The following LOXL2 variants were observed in gnomAD, a reference collection of about 807,000 sequenced individuals.
LOXL2 encodes lysyl oxidase like 2, also known as lysyl oxidase homolog 2.
In LOXL2, 70 loss-of-function variants were observed where a neutral mutation model predicts 93.0. The ratio of observed to expected loss-of-function variants is 0.75; its 90% CI spans 0.62 to 0.92. LOXL2 has a LOEUF of 0.92. Among genes scored for constraint, LOXL2 ranks in the 40% least tolerant of loss-of-function variants. LOXL2 has a pLI of 0.00. For synonymous variants in LOXL2, 438 were observed against 413.2 expected (o/e 1.06, Z -0.73); for missense variants, 973 against 1,054.9 (o/e 0.92, Z 1.08).
At chr8:23,381,808 G>A (rs1351945730) in intron 1 of LOXL2, among the ~76,000 whole-genome samples, 2 of 152,228 alleles carry the variant, frequency 1.3e-5, no homozygotes, top group South Asian at 2.1e-4. Context: ...AGGCTCCATG[G>A]GCACCAATGT....
intron 1 of LOXL2, among the ~76,000 whole-genome samples, chr8:23,386,327 A>G (rs1360643809): frequency 6.6e-6 from 1 of 152,230 alleles, no homozygotes; most frequent in Non-Finnish European, 1.5e-5. Flanking sequence ...CTGAATGTGG[A>G]GGTTGCAGTG....
Position 23,341,103 on chromosome 8 carries a change from C to A in LOXL2, c.632G>T (p.Gly211Val). The A allele has an allele frequency of 6.2e-7, 1 of 1,614,020 alleles. No individual in the cohort carries two copies. The highest frequency in any genetic ancestry group is 1.1e-5 in the South Asian group (1 of 91,082). The change falls in exon 4 of 14, where the codon GGC becomes GTC. Residue 211 changes from glycine to valine, a missense_variant. Gly to Val is a moderately radical substitution (Grantham distance 109). Transcript: ENST00000389131. Reference sequence around the variant, plus strand: ...GTCACAGATCTGCTTCCAGGTCTTGCCCTCCTTCACCTCCACGTAGCCCTC... The same window carrying A: ...GTCACAGATCTGCTTCCAGGTCTTGACCTCCTTCACCTCCACGTAGCCCTC... ...VMEGYVEVKEGKTWKQICDKH... is the reference protein window; with the variant it reads ...VMEGYVEVKEVKTWKQICDKH...
At chr8:23,339,117 C>A (rs776878225) in intron 4 of LOXL2, among the ~76,000 whole-genome samples, 1 of 152,196 alleles carries the variant, frequency 6.6e-6, no homozygotes, top group Non-Finnish European at 1.5e-5. Flanking sequence ...GCCTTCCCAG[C>A]ACCTTTCTCT....
In LOXL2 at chr8:23,391,174, T is replaced by C. The variant is rs181972976; in HGVS notation, c.-84+12780A>G. Reference sequence around the variant, plus strand: ...GCTACAATTTAAGATAAGATTTGGGTGCGGATACAGCCAAATCATATCAAT... The same window carrying C: ...GCTACAATTTAAGATAAGATTTGGGCGCGGATACAGCCAAATCATATCAAT... On this transcript the variant is annotated intron_variant, in intron 1 of 13. Coordinates refer to ENST00000389131, the MANE Select transcript of LOXL2 (RefSeq NM_002318.3). Among the ~76,000 whole-genome samples the C allele has an allele frequency of 9.2e-5, 14 of 152,220 alleles. No individual in the cohort carries two copies. In the East Asian group the frequency reaches 2.5e-3, roughly 27 times the overall value.
chr8:23,368,325 G>A lies in LOXL2; in HGVS notation c.27C>T (p.Leu9=). 6.2e-7 allele frequency: 1 copy of A among 1,612,672 alleles called. No individual in the cohort carries two copies. The highest frequency in any genetic ancestry group is 1.1e-5 in the South Asian group (1 of 91,082). The part of the protein sequence containing the change: MERPLCSH[L]CSCLAMLALL... Reference sequence around the variant, plus strand: ...GGGCCAGCATAGCCAGGCAGCTGCAGAGGTGGGAGCACAGAGGCCTCTCCA... The same window carrying A: ...GGGCCAGCATAGCCAGGCAGCTGCAAAGGTGGGAGCACAGAGGCCTCTCCA... Residue 9 remains leucine, a synonymous_variant, in exon 2 of 14, where the codon CTC becomes CTT. Coordinates refer to ENST00000389131, the MANE Select transcript of LOXL2 (RefSeq NM_002318.3).
rs1554474455 is a variant in LOXL2, at chr8:23,297,247, C to T, written c.*796G>A. On this transcript the variant is annotated 3_prime_UTR_variant, in exon 14 of 14. Transcript: ENST00000389131. ...AGTGTCTGTGATGACACATGGTGCT[C>T]AGTGAGCGCCCTGTCACCCAGGACC... 6.6e-6 allele frequency: 1 copy of T among 152,180 alleles called. No individual in the cohort carries two copies. The highest frequency in any genetic ancestry group is 1.5e-5 in the Non-Finnish European group (1 of 68,040). 9.4% of individuals were successfully genotyped at this position (152,180 alleles called of 1,614,324 possible).
intron 1 of LOXL2, among the ~76,000 whole-genome samples, chr8:23,385,174 A>G (rs1804740413): frequency 6.6e-6 from 1 of 151,766 alleles, no homozygotes; most frequent in South Asian, 2.1e-4. Flanking sequence ...ACTTTTATAC[A>G]GCAACCTGGA....
intron 1 of LOXL2, among the ~76,000 whole-genome samples, chr8:23,398,110 A>G (rs1800116871): frequency 6.6e-6 from 1 of 152,176 alleles, no homozygotes; most frequent in Non-Finnish European, 1.5e-5. Flanking sequence ...TTACCTTGGT[A>G]CCCCAGTGGT....
Position 23,333,476 on chromosome 8 carries a change from G to A in LOXL2, c.891C>T (p.Ala297=), listed in dbSNP as rs774183850. The A allele has an allele frequency of 2.5e-5, 40 of 1,613,854 alleles. No homozygotes were observed. The highest frequency in any genetic ancestry group is 3.3e-4 in the Middle Eastern group (2 of 6,084). ...KNVTCENGLP[A]VVSCVPGQVF... Reference sequence around the variant, plus strand: ...CCTGCCCAGGCACACAACTCACCACGGCCGGTAGCCCATTCTCGCAGGTGA... The same window carrying A: ...CCTGCCCAGGCACACAACTCACCACAGCCGGTAGCCCATTCTCGCAGGTGA... The change falls in exon 5 of 14, where the codon GCC becomes GCT. Residue 297 remains alanine, a synonymous_variant. Transcript: ENST00000389131.
chr8:23,332,438 C>T (rs1026217909), intron 5 of LOXL2, among the ~76,000 whole-genome samples: 1 of 139,108 alleles, frequency 7.2e-6, no homozygotes, highest in African/African-American at 2.7e-5. Context: ...ACACACCCCA[C>T]ACACTCCTAC....
chr8:23,368,341 G>A lies in LOXL2; in HGVS notation c.11C>T (p.Pro4Leu), dbSNP rs1473406107. ...GCAGCTGCAGAGGTGGGAGCACAGA[G>A]GCCTCTCCATCCCTGTCTTCGGGCT... MER[P>L]LCSHLCSCLA... Residue 4 changes from proline (P) to leucine (L), a missense_variant, in exon 2 of 14, where the codon CCT (proline) becomes CTT (leucine). Physicochemically the swap from Pro to Leu is moderately conservative, Grantham distance 98. Transcript: ENST00000389131. 2 of 1,611,564 alleles carry A rather than the reference G, an allele frequency of 1.2e-6. No homozygotes were observed. Among genetic ancestry groups the A allele is most frequent in the African/African-American group, 2.7e-5 (2 of 74,936 alleles).
intron 3 of LOXL2, among the ~76,000 whole-genome samples, chr8:23,342,356 C>T (rs1396040967): frequency 2.6e-5 from 4 of 152,162 alleles, no homozygotes; most frequent in South Asian, 2.1e-4. Context: ...CCAGCTCTTG[C>T]GACAGTCCCT....
At chr8:23,367,946 T>G in intron 2 of LOXL2, 51 bp downstream of exon 2, 2 of 1,501,346 alleles carry the variant, frequency 1.3e-6, no homozygotes, top group East Asian at 2.3e-5. Context: ...GGAAGGCCAC[T>G]CCGGGCCTTG....
At chr8:23,378,993 G>C (rs967017322) in intron 1 of LOXL2, among the ~76,000 whole-genome samples, 1 of 150,106 alleles carries the variant, frequency 6.7e-6, no homozygotes, top group Non-Finnish European at 1.5e-5. Flanking sequence ...GTGTTCCTTT[G>C]GAGGGGGAGA....
chr8:23,328,637 C>A lies in LOXL2; in HGVS notation c.967-72G>T, dbSNP rs1349436094. The A allele has an allele frequency of 1.1e-5, 16 of 1,438,504 alleles. No individual in the cohort carries two copies. In the South Asian group the frequency reaches 1.7e-4, roughly 16 times the overall value. The allele number at this position is 1,438,504 out of a possible 1,614,324, so 89.1% of individuals were successfully genotyped here. ...CAGCGGGTGACCACTGTCCCCGCCC[C>A]CTCCCTTCCCTGCCACCCTGTTCCC... On this transcript the variant is annotated intron_variant, in intron 5 of 13. Coordinates refer to ENST00000389131, the MANE Select transcript of LOXL2 (RefSeq NM_002318.3).
Position 23,298,839 on chromosome 8 carries a change from T to C in LOXL2, c.2242A>G (p.Ile748Val). 2 of 1,606,998 alleles carry C rather than the reference T, an allele frequency of 1.2e-6. No individual in the cohort carries two copies. The highest frequency in any genetic ancestry group is 1.7e-6 in the Non-Finnish European group (2 of 1,173,770). Residue 748 changes from isoleucine (I) to valine (V), a missense_variant, in exon 13 of 14, where the codon ATA becomes GTA. Coordinates refer to ENST00000389131, the MANE Select transcript of LOXL2 (RefSeq NM_002318.3). ...GHRIWMYNCH[I>V]GGSFSEETEK... ...AGTGGGGGCGGCCTGGCCTTACCTATGTGGCAGTTGTACATCCAGATGCGG... is the reference window on the plus strand; with the variant it reads ...AGTGGGGGCGGCCTGGCCTTACCTACGTGGCAGTTGTACATCCAGATGCGG...
chr8:23,391,875 G>A (rs1804850036), intron 1 of LOXL2, among the ~76,000 whole-genome samples: 1 of 152,086 alleles, frequency 6.6e-6, no homozygotes, highest in African/African-American at 2.4e-5. Flanking sequence ...TGGGCTGGAG[G>A]GAGTACAAAA....
At chr8:23,330,600 A>C (rs1405761311) in intron 5 of LOXL2, among the ~76,000 whole-genome samples, 2 of 105,618 alleles carry the variant, frequency 1.9e-5, no homozygotes, top group African/African-American at 6.4e-5. Flanking sequence ...AACCAAGGGA[A>C]AATATGATGT....
At chr8:23,401,406 T>A (rs948479008) in intron 1 of LOXL2, among the ~76,000 whole-genome samples, 2 of 152,192 alleles carry the variant, frequency 1.3e-5, no homozygotes, top group Non-Finnish European at 2.9e-5. Flanking sequence ...TTTTTTAGTT[T>A]TCTTAGGTCT....
Sources: gnomAD v4.1 joint callset for allele counts (sites outside exome capture counted in the v4.1 genomes callset) on GRCh38, gnomAD v4.1.1 for gene constraint, MANE v1.5 for transcripts, NCBI Gene and HGNC (gene_info 2026-07-23, HGNC 2026-07-21) for gene names.